ACVR2A: variants seen among roughly 807,000 people sequenced by gnomAD.
ACVR2A encodes the protein activin A receptor type 2A.
In ACVR2A, 7 loss-of-function variants were observed where a neutral mutation model predicts 61.4. That is an observed-to-expected ratio of 0.11 (90% CI 0.06 to 0.21). ACVR2A has a LOEUF of 0.21. Among genes scored for constraint, ACVR2A ranks in the 10% least tolerant of loss-of-function variants. ACVR2A has a pLI of 1.00. For missense variants in ACVR2A, 322 were observed against 621.7 expected (o/e 0.52, Z 5.13); for synonymous variants, 193 against 208.3 (o/e 0.93, Z 0.63).
intron 1 of ACVR2A, among the ~76,000 whole-genome samples, chr2:147,852,352 G>A (rs1685469695): frequency 6.6e-6 from 1 of 151,994 alleles, no homozygotes. Context: ...AAAAAACATT[G>A]ATCGTGACCC....
intron 5 of ACVR2A, among the ~76,000 whole-genome samples, chr2:147,916,893 C>A (rs1401425793): frequency 2.6e-5 from 4 of 151,898 alleles, no homozygotes; most frequent in African/African-American, 7.2e-5. Context: ...TAGAGGAAGT[C>A]ATTCTGCCGG....
chr2:147,912,126 C>A (rs1471899323), intron 4 of ACVR2A, among the ~76,000 whole-genome samples: 1 of 151,864 alleles, frequency 6.6e-6, no homozygotes, highest in African/African-American at 2.4e-5. Flanking sequence ...GTAAAATGAT[C>A]AGAGATGACT....
At chr2:147,855,516 G>A (rs1016073281) in intron 1 of ACVR2A, among the ~76,000 whole-genome samples, 7 of 152,110 alleles carry the variant, frequency 4.6e-5, no homozygotes, top group African/African-American at 1.7e-4. Context: ...AGTGTAGGAG[G>A]GAAGAGGTGA....
At chr2:147,908,931 T>C (rs1687053400) in intron 4 of ACVR2A, among the ~76,000 whole-genome samples, 1 of 152,152 alleles carries the variant, frequency 6.6e-6, no homozygotes, top group Non-Finnish European at 1.5e-5. Context: ...ATATTTATAG[T>C]ATATAAACAA....
chr2:147,924,246 A>G (rs1687450311), intron 9 of ACVR2A, among the ~76,000 whole-genome samples: 1 of 152,040 alleles, frequency 6.6e-6, no homozygotes, highest in African/African-American at 2.4e-5. Flanking sequence ...ATTTTATAAG[A>G]ACTTTATTAA....
At chr2:147,849,057 A>G (rs1426244841) in intron 1 of ACVR2A, among the ~76,000 whole-genome samples, 1 of 152,158 alleles carries the variant, frequency 6.6e-6, no homozygotes, top group Non-Finnish European at 1.5e-5. Flanking sequence ...ATCCTTGATG[A>G]AATGCTTGAG....
At chr2:147,867,399 G>C (rs1387536633) in intron 1 of ACVR2A, among the ~76,000 whole-genome samples, 2 of 152,134 alleles carry the variant, frequency 1.3e-5, no homozygotes, top group African/African-American at 4.8e-5. Context: ...CAGAAACTTG[G>C]CTGCCATCTT....
At chr2:147,864,401 T>G (rs546496918) in intron 1 of ACVR2A, among the ~76,000 whole-genome samples, 2 of 152,192 alleles carry the variant, frequency 1.3e-5, no homozygotes, top group South Asian at 4.2e-4. Flanking sequence ...CGCTAATTTT[T>G]TTTGTATTTT....
intron 1 of ACVR2A, among the ~76,000 whole-genome samples, chr2:147,888,932 CTG>C (rs1686510644): frequency 6.6e-6 from 1 of 152,030 alleles, no homozygotes; most frequent in Non-Finnish European, 1.5e-5. Context: ...ATGACATCAA[CTG>C]TAGGTTTTTT....
chr2:147,893,861 T>C (rs1181994077), intron 1 of ACVR2A, among the ~76,000 whole-genome samples: 1 of 152,098 alleles, frequency 6.6e-6, no homozygotes, highest in African/African-American at 2.4e-5. Context: ...AGAGTAGAAG[T>C]TTTCATTTTA....
At chr2:147,867,436 A>G (rs369317997) in intron 1 of ACVR2A, among the ~76,000 whole-genome samples, 2 of 152,122 alleles carry the variant, frequency 1.3e-5, no homozygotes, top group South Asian at 2.1e-4. Flanking sequence ...ATGTTCTTCA[A>G]AATCCAAGCA....
chr2:147,881,458 A>G (rs1251549083), intron 1 of ACVR2A, among the ~76,000 whole-genome samples: 1 of 151,950 alleles, frequency 6.6e-6, no homozygotes, highest in Non-Finnish European at 1.5e-5. Context: ...CCTGTACATC[A>G]GTGTGTCTGT....
At chr2:147,906,980 C>G (rs987673635) in intron 4 of ACVR2A, among the ~76,000 whole-genome samples, 1 of 151,984 alleles carries the variant, frequency 6.6e-6, no homozygotes, top group South Asian at 2.1e-4. Context: ...CCTGATGCTC[C>G]CCTTCCCTTG....
At chr2:147,885,201 G>A (rs1379013205) in intron 1 of ACVR2A, among the ~76,000 whole-genome samples, 1 of 151,896 alleles carries the variant, frequency 6.6e-6, no homozygotes, top group Non-Finnish European at 1.5e-5. Context: ...CCAGTATTAA[G>A]CAAAGTTTTC....
intron 1 of ACVR2A, among the ~76,000 whole-genome samples, chr2:147,869,494 T>C (rs1685957897): frequency 6.6e-6 from 1 of 152,142 alleles, no homozygotes; most frequent in Non-Finnish European, 1.5e-5. Context: ...TGGGAAACTG[T>C]TAGACAAGAT....
intron 1 of ACVR2A, among the ~76,000 whole-genome samples, chr2:147,892,416 T>C (rs990645900): frequency 3.3e-5 from 5 of 150,796 alleles, no homozygotes; most frequent in East Asian, 2.0e-4. Flanking sequence ...ATCTCTGTGC[T>C]AGTATATTGT....
chr2:147,872,610 C>T (rs1686050560), intron 1 of ACVR2A, among the ~76,000 whole-genome samples: 1 of 149,954 alleles, frequency 6.7e-6, no homozygotes, highest in Non-Finnish European at 1.5e-5. Flanking sequence ...GTCCCTGAGT[C>T]ATTTTGTTGA....
chr2:147,899,703 G>A, intron 3 of ACVR2A, 41 bp from the exon 4 acceptor site: 1 of 1,605,962 alleles, frequency 6.2e-7, no homozygotes, highest in East Asian at 2.2e-5. Flanking sequence ...ATAGAATTTT[G>A]TAGACCAAAT....
At chr2:147,887,731 T>C (rs1302604745) in intron 1 of ACVR2A, among the ~76,000 whole-genome samples, 1 of 152,230 alleles carries the variant, frequency 6.6e-6, no homozygotes. Context: ...TTATTTTTTA[T>C]GGTGAGAACA....
Sources: allele counts gnomAD v4.1 joint callset (sites outside exome capture counted in the v4.1 genomes callset), GRCh38; gene constraint gnomAD v4.1.1; transcripts MANE v1.5; gene names NCBI Gene and HGNC (gene_info 2026-07-23, HGNC 2026-07-21).